The following CNTN6 variants were observed in gnomAD, a reference collection of about 807,000 sequenced individuals.
CNTN6 encodes contactin-6.
A neutral mutation model predicts 122.8 loss-of-function variants in CNTN6; 137 were observed. The observed-to-expected ratio is 1.12, with a 90% CI of 0.97 to 1.29. CNTN6 has a LOEUF of 1.29. Among genes scored for constraint, CNTN6 ranks in the 50% most tolerant of loss-of-function variants. The pLI is 0.00. For synonymous variants in CNTN6, 570 were observed against 426.0 expected, an observed-to-expected ratio of 1.34 and a Z score of -4.16; for missense variants, 1,634 against 1,223.4, an observed-to-expected ratio of 1.34 and a Z score of -5.01.
intron 10 of CNTN6, among the ~76,000 whole-genome samples, chr3:1,328,289 T>C (rs1701816316): frequency 6.6e-6 from 1 of 151,846 alleles, no homozygotes; most frequent in South Asian, 2.1e-4. Flanking sequence ...TTGAGAATGA[T>C]ATTTTGGGAA....
chr3:1,189,599 C>A (rs1368749417), intron 2 of CNTN6, among the ~76,000 whole-genome samples: 1 of 152,122 alleles, frequency 6.6e-6, no homozygotes, highest in Non-Finnish European at 1.5e-5. Flanking sequence ...ACTGTTAGAG[C>A]CAGAACTTTA....
At chr3:1,140,948 C>A (rs1437184315) in intron 1 of CNTN6, among the ~76,000 whole-genome samples, 7 of 152,106 alleles carry the variant, frequency 4.6e-5, no homozygotes, top group Admixed American at 4.6e-4. Context: ...ATTCTGAAAA[C>A]AAAGAATTTG....
intron 7 of CNTN6, among the ~76,000 whole-genome samples, chr3:1,311,800 T>A (rs1434070628): frequency 1.3e-5 from 2 of 151,866 alleles, no homozygotes; most frequent in Non-Finnish European, 2.9e-5. Flanking sequence ...TTTTTTTAAT[T>A]CTTAAAAATA....
chr3:1,241,386 A>T (rs2094481623), intron 4 of CNTN6, among the ~76,000 whole-genome samples: 1 of 151,992 alleles, frequency 6.6e-6, no homozygotes, highest in Non-Finnish European at 1.5e-5. Context: ...GTGGGAACCT[A>T]GAGTGGGAGA....
intron 2 of CNTN6, chr3:1,173,417 A>C: frequency 5.3e-6 from 2 of 380,508 alleles, no homozygotes; most frequent in South Asian, 3.9e-5. Context: ...ATTTCATTTA[A>C]TCCTCAGAAA....
At chr3:1,342,648 A>T (rs939117729) in intron 11 of CNTN6, among the ~76,000 whole-genome samples, 1 of 151,752 alleles carries the variant, frequency 6.6e-6, no homozygotes, top group Non-Finnish European at 1.5e-5. Context: ...GACAGAGGCT[A>T]AAAAAAATAC....
chr3:1,193,013 T>C (rs1041511778), intron 2 of CNTN6, among the ~76,000 whole-genome samples: 2 of 152,136 alleles, frequency 1.3e-5, no homozygotes, highest in Admixed American at 1.3e-4. Context: ...TCCTTCTCAC[T>C]CTTTTGCAGT....
At chr3:1,207,564 C>T (rs2093974790) in intron 2 of CNTN6, among the ~76,000 whole-genome samples, 1 of 152,022 alleles carries the variant, frequency 6.6e-6, no homozygotes, top group Non-Finnish European at 1.5e-5. Flanking sequence ...TATAAAATAA[C>T]ACCTGACTTC....
chr3:1,385,805 T>G lies in CNTN6; in HGVS notation c.2704+8T>G. Reference sequence around the variant, plus strand: ...TTACCACCAAAAAGTCTCGTAAGTATGCATACACTCCAGGAAACAAGATTC... The same window carrying G: ...TTACCACCAAAAAGTCTCGTAAGTAGGCATACACTCCAGGAAACAAGATTC... On this transcript the variant is annotated splice_region_variant and intron_variant, in intron 20 of 22. Transcript: ENST00000446702. The G allele has an allele frequency of 6.2e-7, 1 of 1,601,900 alleles. No individual in the cohort carries two copies. Among genetic ancestry groups the G allele is most frequent in the Non-Finnish European group, 8.5e-7 (1 of 1,174,966 alleles).
chr3:1,142,667 A>G (rs2092634380), intron 1 of CNTN6, among the ~76,000 whole-genome samples: 1 of 152,014 alleles, frequency 6.6e-6, no homozygotes. Flanking sequence ...TGGAGCAACT[A>G]TTCAGCCCTG....
chr3:1,396,072 C>T (rs1694952729), intron 20 of CNTN6, among the ~76,000 whole-genome samples: 1 of 152,138 alleles, frequency 6.6e-6, no homozygotes, highest in Non-Finnish European at 1.5e-5. Flanking sequence ...TGCCGTCATA[C>T]TTCTCTTCTC....
intron 17 of CNTN6, among the ~76,000 whole-genome samples, chr3:1,378,168 C>T (rs1411192804): frequency 2.0e-5 from 3 of 152,206 alleles, no homozygotes; most frequent in East Asian, 1.9e-4. Context: ...CACATTTGTC[C>T]TCAGCAGACA....
intron 1 of CNTN6, among the ~76,000 whole-genome samples, chr3:1,113,374 G>T (rs530482246): frequency 2.0e-5 from 3 of 152,202 alleles, no homozygotes; most frequent in African/African-American, 7.2e-5. Flanking sequence ...TATTTTTCCA[G>T]AATCATGACT....
chr3:1,303,449 T>C (rs930611571), intron 7 of CNTN6, among the ~76,000 whole-genome samples: 1 of 152,200 alleles, frequency 6.6e-6, no homozygotes, highest in African/African-American at 2.4e-5. Context: ...CTGTTGGCTC[T>C]AGCTGTGGTA....
intron 4 of CNTN6, among the ~76,000 whole-genome samples, chr3:1,245,327 T>TATAAC (rs2094567753): frequency 1.2e-5 from 1 of 81,220 alleles, no homozygotes; most frequent in Non-Finnish European, 2.5e-5. Flanking sequence ...TATATATATA[T>TATAAC]ATATATATAG....
At chr3:1,337,991 A>T (rs1236910760) in intron 11 of CNTN6, among the ~76,000 whole-genome samples, 2 of 152,046 alleles carry the variant, frequency 1.3e-5, no homozygotes, top group Non-Finnish European at 2.9e-5. Flanking sequence ...CATGGTCTGA[A>T]AAAGCTCCGG....
At chr3:1,224,848 C>A (rs1215090523) in intron 3 of CNTN6, among the ~76,000 whole-genome samples, 3 of 152,132 alleles carry the variant, frequency 2.0e-5, no homozygotes, top group Non-Finnish European at 4.4e-5. Flanking sequence ...CAGACTCAAG[C>A]AATTCTCCTG....
At chr3:1,397,242 A>G (rs1222235207) in intron 20 of CNTN6, among the ~76,000 whole-genome samples, 1 of 152,212 alleles carries the variant, frequency 6.6e-6, no homozygotes, top group African/African-American at 2.4e-5. Flanking sequence ...AATGAATAAA[A>G]TAATCATAAA....
intron 4 of CNTN6, among the ~76,000 whole-genome samples, chr3:1,274,654 C>T (rs533451294): frequency 4.9e-4 from 75 of 152,110 alleles, no homozygotes; most frequent in African/African-American, 1.6e-3. Context: ...AGATAAACTG[C>T]GGATGTTTCA....
Sources: allele counts gnomAD v4.1 joint callset (sites outside exome capture counted in the v4.1 genomes callset), GRCh38; gene constraint gnomAD v4.1.1; transcripts MANE v1.5; gene names NCBI Gene and HGNC (gene_info 2026-07-23, HGNC 2026-07-21).